Variants in AKAP19 observed in about 807,000 individuals in gnomAD.
AKAP19 encodes A-kinase anchoring protein 19, also known as small A-kinase anchoring protein.
At chr2:190,082,892 G>A in the AKAP19 span, among the ~76,000 whole-genome samples, 1 of 152,144 alleles carries the variant, frequency 6.6e-6, no homozygotes, top group African/African-American at 2.4e-5. Context: ...TGTAATGTGA[G>A]ATGCTCAAAT....
At chr2:190,003,457 T>C in the AKAP19 span, among the ~76,000 whole-genome samples, 2 of 152,226 alleles carry the variant, frequency 1.3e-5, no homozygotes, top group Non-Finnish European at 2.9e-5. Context: ...ATTCATAAAA[T>C]AGAATTACTG....
chr2:189,905,567 C>T, the AKAP19 span, among the ~76,000 whole-genome samples: 5 of 151,906 alleles, frequency 3.3e-5, no homozygotes, highest in Non-Finnish European at 5.9e-5. Flanking sequence ...CTATAGATTA[C>T]CTTGAATTCA....
the AKAP19 span, among the ~76,000 whole-genome samples, chr2:189,957,944 C>T: frequency 6.6e-6 from 1 of 152,100 alleles, no homozygotes; most frequent in South Asian, 2.1e-4. Flanking sequence ...CAGACGTGCA[C>T]CACCACACCT....
chr2:190,194,885 C>G, the AKAP19 span, among the ~76,000 whole-genome samples: 218 of 152,232 alleles, frequency 1.4e-3, 1 homozygote, highest in African/African-American at 4.9e-3. Context: ...TGGGGTCTTG[C>G]TCAGTCACCC....
the AKAP19 span, among the ~76,000 whole-genome samples, chr2:190,101,559 C>T: frequency 6.6e-6 from 1 of 152,062 alleles, no homozygotes; most frequent in African/African-American, 2.4e-5. Flanking sequence ...GGCAGATCAC[C>T]AGGCATTCAG....
chr2:190,119,899 T>C, the AKAP19 span, among the ~76,000 whole-genome samples: 1 of 152,104 alleles, frequency 6.6e-6, no homozygotes, highest in Non-Finnish European at 1.5e-5. Flanking sequence ...ATAGGAGAAA[T>C]AGTAGACTGA....
the AKAP19 span, among the ~76,000 whole-genome samples, chr2:190,152,022 A>T: frequency 6.7e-6 from 1 of 149,792 alleles, no homozygotes; most frequent in African/African-American, 2.5e-5. Flanking sequence ...CAACAAAAAA[A>T]AAAAACAAAG....
At chr2:190,196,034 T>C in the AKAP19 span, among the ~76,000 whole-genome samples, 1 of 142,118 alleles carries the variant, frequency 7.0e-6, no homozygotes, top group South Asian at 2.3e-4. Context: ...ATTTTTAAAC[T>C]AGTCTGATCA....
chr2:190,069,150 G>GTGTA, the AKAP19 span, among the ~76,000 whole-genome samples: 1 of 135,856 alleles, frequency 7.4e-6, no homozygotes, highest in Admixed American at 7.2e-5. Flanking sequence ...GTGTGTGTGT[G>GTGTA]TGTGTGTGTG....
chr2:190,087,973 C>T, the AKAP19 span, among the ~76,000 whole-genome samples: 1 of 151,984 alleles, frequency 6.6e-6, no homozygotes, highest in Non-Finnish European at 1.5e-5. Flanking sequence ...AAATTCCGGA[C>T]ACACACAAAA....
At chr2:190,115,978 G>A in the AKAP19 span, among the ~76,000 whole-genome samples, 2 of 152,144 alleles carry the variant, frequency 1.3e-5, no homozygotes, top group Non-Finnish European at 2.9e-5. Flanking sequence ...GTATGTGTAC[G>A]TGTTGATGCA....
the AKAP19 span, among the ~76,000 whole-genome samples, chr2:189,948,075 A>T: frequency 6.6e-6 from 1 of 152,204 alleles, no homozygotes; most frequent in Non-Finnish European, 1.5e-5. Flanking sequence ...GAGACTTATC[A>T]CAGCGGTAAG....
chr2:190,183,093 T>A, the AKAP19 span, among the ~76,000 whole-genome samples: 1 of 152,236 alleles, frequency 6.6e-6, no homozygotes, highest in African/African-American at 2.4e-5. Context: ...TCTAGAAACC[T>A]GTGGCACAGT....
chr2:190,184,950 G>A, the AKAP19 span, among the ~76,000 whole-genome samples: 67 of 152,270 alleles, frequency 4.4e-4, no homozygotes, highest in African/African-American at 1.5e-3. Context: ...GAACCATACA[G>A]TAACTCTTTA....
the AKAP19 span, among the ~76,000 whole-genome samples, chr2:190,015,877 G>T: frequency 6.6e-6 from 1 of 152,096 alleles, no homozygotes; most frequent in African/African-American, 2.4e-5. Flanking sequence ...AGATCTCTAG[G>T]GCAAGGGCAA....
chr2:190,027,887 ATC>A, the AKAP19 span, among the ~76,000 whole-genome samples: 1 of 152,150 alleles, frequency 6.6e-6, no homozygotes, highest in South Asian at 2.1e-4. Flanking sequence ...TTTGTTTGGC[ATC>A]TATGAATTTA....
chr2:190,146,152 C>G, the AKAP19 span, among the ~76,000 whole-genome samples: 2 of 152,084 alleles, frequency 1.3e-5, no homozygotes, highest in South Asian at 4.1e-4. Context: ...TCCCTCACCA[C>G]CCTCCCAATC....
At chr2:190,006,555 C>T in the AKAP19 span, among the ~76,000 whole-genome samples, 5 of 149,600 alleles carry the variant, frequency 3.3e-5, no homozygotes, top group South Asian at 8.4e-4. Context: ...GAGGCTGAGG[C>T]GTTAACCCAG....
At chr2:189,885,813 A>G in the AKAP19 span, among the ~76,000 whole-genome samples, 1 of 151,758 alleles carries the variant, frequency 6.6e-6, no homozygotes. Flanking sequence ...TTTTTATTTT[A>G]TTTTATTTTA....
Sources: gnomAD v4.1 joint callset for allele counts (sites outside exome capture counted in the v4.1 genomes callset) on GRCh38, gnomAD v4.1.1 for gene constraint, MANE v1.5 for transcripts, NCBI Gene and HGNC (gene_info 2026-07-23, HGNC 2026-07-21) for gene names.